The following PCDHA5 variants were observed in gnomAD, a reference collection of about 807,000 sequenced individuals.
The protein encoded by PCDHA5 is protocadherin alpha-5.
PCDHA5 carries 43 observed loss-of-function variants against 61.6 expected under a neutral mutation model. That is an observed-to-expected ratio of 0.70 (90% CI 0.55 to 0.90). PCDHA5 has a LOEUF of 0.90. Among genes scored for constraint, PCDHA5 ranks in the 40% least tolerant of loss-of-function variants. The pLI, the probability that PCDHA5 is intolerant of heterozygous loss-of-function variation, is 0.00. For synonymous variants in PCDHA5, 627 were observed against 543.9 expected (o/e 1.15, Z -2.13); for missense variants, 1,298 against 1,222.7 (o/e 1.06, Z -0.92).
intron 1 of PCDHA5, among the ~76,000 whole-genome samples, chr5:140,902,661 C>T (rs1554190552): frequency 6.6e-6 from 1 of 152,036 alleles, no homozygotes; most frequent in Non-Finnish European, 1.5e-5. Flanking sequence ...CACCTGTCAC[C>T]CAAGCAGTGT....
At chr5:140,907,341 G>A (rs376587538) in intron 1 of PCDHA5, among the ~76,000 whole-genome samples, 1 of 152,326 alleles carries the variant, frequency 6.6e-6, no homozygotes, top group South Asian at 2.1e-4. Context: ...ATATGCATGA[G>A]CCCGCTGCTG....
At chr5:140,829,633 C>G in intron 1 of PCDHA5, 1 of 1,612,272 alleles carries the variant, frequency 6.2e-7, no homozygotes, top group Non-Finnish European at 8.5e-7. Context: ...ACGCGGAGAG[C>G]GGCAAGGTGT....
chr5:140,842,561 G>A (rs2150339210), intron 1 of PCDHA5: 1 of 1,492,420 alleles, frequency 6.7e-7, no homozygotes, highest in Admixed American at 1.9e-5. Context: ...CAGCGCCCTG[G>A]ACCGCGAGAG....
intron 1 of PCDHA5, among the ~76,000 whole-genome samples, chr5:140,846,416 C>T (rs1275676707): frequency 1.5e-5 from 2 of 134,880 alleles, no homozygotes; most frequent in African/African-American, 5.4e-5. Context: ...GCTCTATCTC[C>T]CAGGCTGGAA....
At chr5:140,940,498 C>T (rs185491489) in intron 1 of PCDHA5, among the ~76,000 whole-genome samples, 7 of 151,984 alleles carry the variant, frequency 4.6e-5, no homozygotes, top group Non-Finnish European at 8.8e-5. Flanking sequence ...AGTCTTGCTC[C>T]GTCGCTCAGG....
intron 1 of PCDHA5, chr5:140,968,459 G>A (rs1554230743): frequency 6.2e-7 from 1 of 1,614,094 alleles, no homozygotes; most frequent in African/African-American, 1.3e-5. Flanking sequence ...CACTGTGACT[G>A]CCAACGTATA....
At chr5:140,902,989 T>G (rs1350698990) in intron 1 of PCDHA5, among the ~76,000 whole-genome samples, 1 of 152,238 alleles carries the variant, frequency 6.6e-6, no homozygotes, top group East Asian at 1.9e-4. Context: ...GGTTCCATAT[T>G]TTTGCAATTG....
chr5:140,849,032 C>T (rs2040752468), intron 1 of PCDHA5: 1 of 1,579,200 alleles, frequency 6.3e-7, no homozygotes, highest in Non-Finnish European at 8.6e-7. Flanking sequence ...AGTATTTCTT[C>T]CTGGACGTGC....
intron 1 of PCDHA5, among the ~76,000 whole-genome samples, chr5:140,891,266 T>G (rs1301781810): frequency 1.3e-5 from 2 of 152,188 alleles, no homozygotes; most frequent in Non-Finnish European, 2.9e-5. Context: ...ATTTTTAATT[T>G]TTCCGTAAGT....
chr5:140,870,054 T>A (rs895309313), intron 1 of PCDHA5: 2 of 1,613,676 alleles, frequency 1.2e-6, no homozygotes, highest in African/African-American at 2.7e-5. Flanking sequence ...TTTATAAAAT[T>A]GAAGTACAGG....
chr5:140,870,356 G>C lies in PCDHA5; in HGVS notation c.2352+46229G>C, dbSNP rs17119218. On this transcript the variant is annotated intron_variant, in intron 1 of 3. Coordinates refer to ENST00000529859, the MANE Select transcript of PCDHA5 (RefSeq NM_018908.3). ...AGCGCCCTGGACCGCGAGAACGTGT[G>C]GGCCTATGAACTGGTGGTGACTGCG... 1,853 of 1,614,212 alleles carry C rather than the reference G, an allele frequency of 1.1e-3. 14 individuals are homozygous for C. In the African/African-American group the frequency reaches 0.018, roughly 16 times the overall value.
chr5:140,982,795 A>ATGTG (rs60616196), intron 3 of PCDHA5, among the ~76,000 whole-genome samples: 1 of 151,628 alleles, frequency 6.6e-6, no homozygotes, highest in African/African-American at 2.4e-5. Context: ...GCATGTGTGC[A>ATGTG]TGTGTGTGTG....
chr5:140,929,461 C>A, intron 1 of PCDHA5: 1 of 1,314,566 alleles, frequency 7.6e-7, no homozygotes, highest in Non-Finnish European at 1.0e-6. Context: ...CTTCCTGTGC[C>A]AAGAAATCTG....
intron 1 of PCDHA5, among the ~76,000 whole-genome samples, chr5:140,943,840 G>T (rs528235230): frequency 1.4e-4 from 21 of 152,316 alleles, no homozygotes; most frequent in Non-Finnish European, 2.8e-4. Context: ...GAAGTTGTAA[G>T]ATGTCACAGA....
At chr5:140,829,701 C>G in intron 1 of PCDHA5, 1 of 1,613,356 alleles carries the variant, frequency 6.2e-7, no homozygotes, top group East Asian at 2.2e-5. Context: ...CAGGTGAGCG[C>G]GCGCGACGCG....
chr5:140,959,031 G>A (rs1554223798), intron 1 of PCDHA5, among the ~76,000 whole-genome samples: 1 of 151,806 alleles, frequency 6.6e-6, no homozygotes, highest in Non-Finnish European at 1.5e-5. Flanking sequence ...CTTTATCATG[G>A]GTATGTATGT....
intron 1 of PCDHA5, chr5:140,851,823 G>GT (rs1343370929): frequency 9.3e-6 from 9 of 962,984 alleles, no homozygotes; most frequent in South Asian, 4.8e-5. Context: ...ACAGAAATCT[G>GT]TTTTTTTAAA....
intron 1 of PCDHA5, among the ~76,000 whole-genome samples, chr5:140,840,213 T>C (rs1554137734): frequency 6.6e-6 from 1 of 152,020 alleles, no homozygotes; most frequent in Non-Finnish European, 1.5e-5. Flanking sequence ...GTCATAAAAA[T>C]ACATATGAGT....
intron 1 of PCDHA5, among the ~76,000 whole-genome samples, chr5:140,875,000 C>A (rs2055209641): frequency 3.3e-5 from 5 of 152,130 alleles, no homozygotes; most frequent in Admixed American, 3.3e-4. Flanking sequence ...TATCATTTTC[C>A]ATGATAAAGT....
Sources: allele counts gnomAD v4.1 joint callset (sites outside exome capture counted in the v4.1 genomes callset), GRCh38; gene constraint gnomAD v4.1.1; transcripts MANE v1.5; gene names NCBI Gene and HGNC (gene_info 2026-07-23, HGNC 2026-07-21).